Variants in RABGAP1L observed in about 807,000 individuals in gnomAD.
The protein encoded by RABGAP1L is RAB GTPase activating protein 1 like, also known as rab GTPase-activating protein 1-like.
In RABGAP1L, 63 loss-of-function variants were observed where a neutral mutation model predicts 137.7. That is an observed-to-expected ratio of 0.46 (90% CI 0.37 to 0.56). RABGAP1L has a LOEUF of 0.56. Ranked by LOEUF, RABGAP1L falls within the 20% of genes least tolerant of loss-of-function variation. The pLI is 0.00. For missense variants in RABGAP1L, 1,095 were observed against 1,244.0 expected (o/e 0.88, Z 1.80); for synonymous variants, 431 against 433.7 (o/e 0.99, Z 0.08).
chr1:174,357,283 A>G (rs1343594792), intron 11 of RABGAP1L, among the ~76,000 whole-genome samples: 2 of 152,208 alleles, frequency 1.3e-5, no homozygotes, highest in African/African-American at 4.8e-5. Context: ...TGTCCTCTTG[A>G]TCAGTCACAT....
intron 11 of RABGAP1L, among the ~76,000 whole-genome samples, chr1:174,356,503 A>T (rs970677845): frequency 6.6e-6 from 1 of 152,122 alleles, no homozygotes; most frequent in African/African-American, 2.4e-5. Flanking sequence ...TTCTTTTATA[A>T]TGTCAATTAA....
At chr1:174,333,415 A>T (rs1681206586) in intron 11 of RABGAP1L, among the ~76,000 whole-genome samples, 2 of 152,246 alleles carry the variant, frequency 1.3e-5, no homozygotes, top group African/African-American at 4.8e-5. Context: ...ACATTAAAAC[A>T]TCACATTGTA....
chr1:174,769,539 C>T (rs1685947157), intron 18 of RABGAP1L, among the ~76,000 whole-genome samples: 1 of 152,158 alleles, frequency 6.6e-6, no homozygotes, highest in Non-Finnish European at 1.5e-5. Context: ...GCCTGGTGGT[C>T]TCTCATTAGC....
chr1:174,201,418 G>A (rs1198199886), intron 1 of RABGAP1L, among the ~76,000 whole-genome samples: 4 of 151,966 alleles, frequency 2.6e-5, no homozygotes, highest in African/African-American at 9.7e-5. Flanking sequence ...GTCTAGTCTC[G>A]AACTCCTGAG....
At chr1:174,660,600 G>C (rs1439703946) in intron 14 of RABGAP1L, among the ~76,000 whole-genome samples, 1 of 152,098 alleles carries the variant, frequency 6.6e-6, no homozygotes, top group Non-Finnish European at 1.5e-5. Context: ...TTCTTACGGT[G>C]ATTTACCAGG....
At chr1:174,303,549 T>G (rs926821755) in intron 10 of RABGAP1L, among the ~76,000 whole-genome samples, 3 of 152,198 alleles carry the variant, frequency 2.0e-5, no homozygotes, top group Admixed American at 6.5e-5. Flanking sequence ...AGCTCCTGTT[T>G]ACATGTTGCT....
At chr1:174,383,563 C>G (rs1414614289) in intron 12 of RABGAP1L, among the ~76,000 whole-genome samples, 1 of 152,182 alleles carries the variant, frequency 6.6e-6, no homozygotes, top group Non-Finnish European at 1.5e-5. Context: ...CCAGGTGCGT[C>G]CGTCACCGCT....
At chr1:174,319,364 C>T (rs1254236816) in intron 11 of RABGAP1L, among the ~76,000 whole-genome samples, 4 of 152,176 alleles carry the variant, frequency 2.6e-5, no homozygotes, top group South Asian at 4.1e-4. Context: ...AAGCAGTTGA[C>T]GTCTTGTATA....
intron 7 of RABGAP1L, among the ~76,000 whole-genome samples, chr1:174,262,455 A>T (rs898530680): frequency 7.2e-5 from 11 of 152,360 alleles, no homozygotes; most frequent in African/African-American, 2.4e-4. Context: ...CATTAAAAAA[A>T]ATTCCAGTTT....
At chr1:174,314,467 C>G (rs1300799622) in intron 11 of RABGAP1L, among the ~76,000 whole-genome samples, 2 of 152,134 alleles carry the variant, frequency 1.3e-5, no homozygotes, top group Middle Eastern at 3.4e-3. Flanking sequence ...TGGTTTGTTT[C>G]ATTGATTGTT....
chr1:174,455,463 G>C (rs982342148), intron 13 of RABGAP1L, among the ~76,000 whole-genome samples: 3 of 152,000 alleles, frequency 2.0e-5, no homozygotes, highest in Non-Finnish European at 2.9e-5. Context: ...TGTATGACCT[G>C]TTCTTTAAAT....
At chr1:174,471,226 C>T (rs184205165) in intron 13 of RABGAP1L, among the ~76,000 whole-genome samples, 2 of 152,182 alleles carry the variant, frequency 1.3e-5, no homozygotes, top group East Asian at 1.9e-4. Flanking sequence ...CCCTTTTGAT[C>T]GAATGTGATT....
chr1:174,617,603 G>A (rs1240686293), intron 13 of RABGAP1L, among the ~76,000 whole-genome samples: 1 of 152,196 alleles, frequency 6.6e-6, no homozygotes, highest in African/African-American at 2.4e-5. Flanking sequence ...GAAATGTGCT[G>A]TTATAAAAGG....
intron 11 of RABGAP1L, among the ~76,000 whole-genome samples, chr1:174,346,710 AT>A (rs1222711581): frequency 2.8e-5 from 4 of 145,016 alleles, no homozygotes; most frequent in African/African-American, 7.7e-5. Context: ...GATCTTTTGC[AT>A]TTTTTTCATT....
At chr1:174,623,398 C>T (rs905088123) in intron 13 of RABGAP1L, among the ~76,000 whole-genome samples, 2 of 152,042 alleles carry the variant, frequency 1.3e-5, no homozygotes, top group Non-Finnish European at 2.9e-5. Flanking sequence ...CCAAAACCAC[C>T]CTTAAGTTCA....
In RABGAP1L at chr1:174,175,087, G is replaced by GT. The variant is rs554585244; in HGVS notation, c.-34+15437dup. ...GTAAACTTAGTACAGTTATCAAATT[G>GT]TTTTTTTCAGCATGATTGATTTCTA... On this transcript the variant is annotated intron_variant, in intron 1 of 25. Coordinates refer to ENST00000681986, the MANE Select transcript of RABGAP1L (RefSeq NM_001366446.1). Among the ~76,000 whole-genome samples the GT allele has an allele frequency of 3.9e-3, 591 of 152,008 alleles. 4 individuals are homozygous for GT. The highest frequency in any genetic ancestry group is 0.012 in the African/African-American group (509 of 41,440).
In RABGAP1L at chr1:174,637,445, A is replaced by G. The variant is rs756204040; in HGVS notation, c.1781A>G (p.Asp594Gly). 1 of 1,612,518 alleles carries G rather than the reference A, an allele frequency of 6.2e-7. No individual in the cohort carries two copies. Among genetic ancestry groups the G allele is most frequent in the Non-Finnish European group, 8.5e-7 (1 of 1,178,534 alleles). ...RTFPAHDYFK[D>G]TGGDGQESLY... Reference sequence around the variant, plus strand: ...TTTCCCGCACATGATTACTTTAAAGATACTGGAGGAGATGGTCAAGAATCG... The same window carrying G: ...TTTCCCGCACATGATTACTTTAAAGGTACTGGAGGAGATGGTCAAGAATCG... Residue 594 changes from aspartate to glycine, a missense_variant, in exon 14 of 26, where the codon GAT (aspartate) becomes GGT (glycine). By Grantham distance (94) the Asp-to-Gly change is moderately conservative. Coordinates refer to ENST00000681986, the MANE Select transcript of RABGAP1L (RefSeq NM_001366446.1).
chr1:174,752,503 C>T (rs1157074908), intron 18 of RABGAP1L, 149 bp downstream of exon 18: 1 of 541,098 alleles, frequency 1.8e-6, no homozygotes, highest in Admixed American at 4.0e-5. Context: ...GATCCTCTTC[C>T]CTCCTCTCAT....
chr1:174,526,126 A>G, intron 13 of RABGAP1L, among the ~76,000 whole-genome samples: 2 of 151,958 alleles, frequency 1.3e-5, no homozygotes. Flanking sequence ...TAATGGGATT[A>G]TTTGTTTTTC....
Sources: allele counts gnomAD v4.1 joint callset (sites outside exome capture counted in the v4.1 genomes callset), GRCh38; gene constraint gnomAD v4.1.1; transcripts MANE v1.5; gene names NCBI Gene and HGNC (gene_info 2026-07-23, HGNC 2026-07-21).